The following CAMK2D variants were observed in gnomAD, a reference collection of about 807,000 sequenced individuals.
CAMK2D encodes the protein calcium/calmodulin-dependent protein kinase type II subunit delta.
CAMK2D carries 37 observed loss-of-function variants against 84.0 expected under a neutral mutation model. The observed-to-expected ratio is 0.44, with a 90% CI of 0.34 to 0.58. CAMK2D has a LOEUF of 0.58. Ranked by LOEUF, CAMK2D falls within the 20% of genes least tolerant of loss-of-function variation. The pLI, the probability that CAMK2D is intolerant of heterozygous loss-of-function variation, is 0.02. For missense variants in CAMK2D, 448 were observed against 652.5 expected (o/e 0.69, Z 3.41); for synonymous variants, 202 against 212.5 (o/e 0.95, Z 0.43).
intron 4 of CAMK2D, among the ~76,000 whole-genome samples, chr4:113,581,022 C>T (rs2098805834): frequency 6.6e-6 from 1 of 151,974 alleles, no homozygotes; most frequent in Non-Finnish European, 1.5e-5. Context: ...GGTACACGTC[C>T]ACCTATGTAA....
chr4:113,743,794 G>A (rs1275098887), intron 2 of CAMK2D, among the ~76,000 whole-genome samples: 1 of 151,588 alleles, frequency 6.6e-6, no homozygotes, highest in Admixed American at 6.6e-5. Context: ...CCCTTGACCT[G>A]AGGAATCCCT....
At chr4:113,461,448 C>A (rs1212455592) in intron 17 of CAMK2D, among the ~76,000 whole-genome samples, 1 of 151,950 alleles carries the variant, frequency 6.6e-6, no homozygotes, top group Non-Finnish European at 1.5e-5. Flanking sequence ...AGGTGGTGGG[C>A]AGGGGGAGGA....
intron 2 of CAMK2D, among the ~76,000 whole-genome samples, chr4:113,728,595 A>T (rs1329441490): frequency 1.3e-5 from 2 of 152,184 alleles, no homozygotes; most frequent in Non-Finnish European, 2.9e-5. Flanking sequence ...AGATCTGTGC[A>T]TTTTATTATA....
chr4:113,653,526 G>A (rs2099184865), intron 3 of CAMK2D, among the ~76,000 whole-genome samples: 1 of 152,000 alleles, frequency 6.6e-6, no homozygotes. Context: ...CCATCAATAA[G>A]GGAGAGGTCA....
intron 16 of CAMK2D, among the ~76,000 whole-genome samples, chr4:113,489,141 C>CTTT (rs372210662): frequency 4.0e-5 from 6 of 150,102 alleles, no homozygotes; most frequent in African/African-American, 1.5e-4. Context: ...AGTAATTTTT[C>CTTT]TTTTTTTTTT....
chr4:113,557,537 T>C (rs1315250078), intron 4 of CAMK2D, among the ~76,000 whole-genome samples: 1 of 152,174 alleles, frequency 6.6e-6, no homozygotes. Context: ...AAGTAAGTGG[T>C]CTTTCTGCAG....
chr4:113,685,562 A>G (rs1175699326), intron 2 of CAMK2D, among the ~76,000 whole-genome samples: 1 of 152,136 alleles, frequency 6.6e-6, no homozygotes, highest in African/African-American at 2.4e-5. Flanking sequence ...TTAAATAGGA[A>G]ACACATGAGC....
chr4:113,555,014 TTTGTTACTG>T (rs1165789141), intron 4 of CAMK2D, among the ~76,000 whole-genome samples: 1 of 152,126 alleles, frequency 6.6e-6, no homozygotes, highest in African/African-American at 2.4e-5. Context: ...AAGATAAATA[TTTGTTACTG>T]TTGTTATTTA....
intron 16 of CAMK2D, among the ~76,000 whole-genome samples, chr4:113,466,425 A>G (rs2097468468): frequency 6.6e-6 from 1 of 152,184 alleles, no homozygotes; most frequent in South Asian, 2.1e-4. Context: ...CTATCTTCAG[A>G]GTAAAGATGA....
chr4:113,587,946 C>T (rs1456893546), intron 4 of CAMK2D, among the ~76,000 whole-genome samples: 2 of 152,060 alleles, frequency 1.3e-5, no homozygotes, highest in Admixed American at 1.3e-4. Context: ...TTTCTTTGTT[C>T]AAGCAAGAGC....
intron 3 of CAMK2D, among the ~76,000 whole-genome samples, chr4:113,657,242 C>T (rs1326605446): frequency 6.6e-6 from 1 of 152,116 alleles, no homozygotes; most frequent in Admixed American, 6.6e-5. Flanking sequence ...TAGTAGCCAC[C>T]CGGTCCCCTG....
At chr4:113,548,278 A>T (rs938346578) in intron 5 of CAMK2D, among the ~76,000 whole-genome samples, 1 of 152,212 alleles carries the variant, frequency 6.6e-6, no homozygotes, top group Non-Finnish European at 1.5e-5. Context: ...TTGTTCTGCT[A>T]CAGCAACCCA....
At chr4:113,670,437 G>A (rs1426745426) in intron 2 of CAMK2D, among the ~76,000 whole-genome samples, 1 of 146,468 alleles carries the variant, frequency 6.8e-6, no homozygotes, top group Non-Finnish European at 1.5e-5. Flanking sequence ...GTTTAAATTT[G>A]TCTATATCTT....
chr4:113,563,262 C>CA (rs1299540083), intron 4 of CAMK2D, among the ~76,000 whole-genome samples: 3 of 151,816 alleles, frequency 2.0e-5, no homozygotes, highest in Admixed American at 6.6e-5. Flanking sequence ...CTCAAAAAAA[C>CA]AAAAAAACAA....
intron 4 of CAMK2D, among the ~76,000 whole-genome samples, chr4:113,601,683 CTTTT>C (rs755850795): frequency 3.1e-4 from 14 of 45,820 alleles, no homozygotes; most frequent in African/African-American, 5.7e-4. Context: ...ACTGTTTATT[CTTTT>C]TTTTTTTTTT....
At chr4:113,652,070 A>G (rs1296168192) in intron 3 of CAMK2D, among the ~76,000 whole-genome samples, 1 of 152,218 alleles carries the variant, frequency 6.6e-6, no homozygotes, top group African/African-American at 2.4e-5. Context: ...CACTTATTAA[A>G]GAATAGTATG....
intron 3 of CAMK2D, among the ~76,000 whole-genome samples, chr4:113,638,656 T>C (rs1438573377): frequency 6.6e-6 from 1 of 152,128 alleles, no homozygotes; most frequent in Non-Finnish European, 1.5e-5. Flanking sequence ...GTTTCGGTAA[T>C]GCGAACTCAT....
intron 3 of CAMK2D, among the ~76,000 whole-genome samples, chr4:113,655,158 A>T (rs995604055): frequency 6.6e-6 from 1 of 152,098 alleles, no homozygotes. Flanking sequence ...CTGCTTTACA[A>T]AGAGAGGAAC....
chr4:113,610,718 T>C lies in CAMK2D; in HGVS notation c.221-1512A>G, dbSNP rs1029574272. ...ACAGTTCAGTCTCAGACCCTCTACTTAGCTCTTGAGTGCATGAAATGTAAG... is the reference window on the plus strand; with the variant it reads ...ACAGTTCAGTCTCAGACCCTCTACTCAGCTCTTGAGTGCATGAAATGTAAG... On this transcript the variant is annotated intron_variant, in intron 3 of 20. Transcript: ENST00000511664. Among the ~76,000 whole-genome samples the C allele has an allele frequency of 2.6e-5, 4 of 152,288 alleles. No homozygotes were observed. The South Asian group carries it at 8.3e-4, about 32-fold the overall frequency.
Sources: allele counts gnomAD v4.1 joint callset (sites outside exome capture counted in the v4.1 genomes callset), GRCh38; gene constraint gnomAD v4.1.1; transcripts MANE v1.5; gene names NCBI Gene and HGNC (gene_info 2026-07-23, HGNC 2026-07-21).